Variants in PLEKHG4B observed in about 807,000 individuals in gnomAD.
PLEKHG4B encodes the protein pleckstrin homology and RhoGEF domain containing G4B.
A neutral mutation model predicts 121.3 loss-of-function variants in PLEKHG4B; 111 were observed. That is an observed-to-expected ratio of 0.92 (90% confidence interval 0.78 to 1.07). The LOEUF (loss-of-function observed/expected upper bound fraction) is 1.07. Ranked by LOEUF, PLEKHG4B falls within the 50% of genes least tolerant of loss-of-function variation. The pLI is 0.00. For missense variants in PLEKHG4B, 1,831 were observed against 1,757.8 expected (o/e 1.04, Z -0.74); for synonymous variants, 738 against 725.0 (o/e 1.02, Z -0.29).
chr5:128,094 A>G (rs1316903406), intron 2 of PLEKHG4B, among the ~76,000 whole-genome samples: 1 of 152,194 alleles, frequency 6.6e-6, no homozygotes, highest in Non-Finnish European at 1.5e-5. Flanking sequence ...TAGGGACAAT[A>G]GATGACAAAT....
intron 13 of PLEKHG4B, among the ~76,000 whole-genome samples, chr5:164,225 C>T (rs943035181): frequency 2.0e-5 from 3 of 152,206 alleles, no homozygotes; most frequent in Non-Finnish European, 4.4e-5. Flanking sequence ...TTCCACAGAC[C>T]GCAGGGGTTG....
At chr5:106,367 A>G (rs964112645) in intron 1 of PLEKHG4B, among the ~76,000 whole-genome samples, 56 of 152,322 alleles carry the variant, frequency 3.7e-4, no homozygotes, top group African/African-American at 1.3e-3. Context: ...TTTGTTTTGC[A>G]GAAGAAGGTT....
intron 2 of PLEKHG4B, among the ~76,000 whole-genome samples, chr5:130,205 T>G (rs1734738612): frequency 6.6e-6 from 1 of 152,118 alleles, no homozygotes; most frequent in South Asian, 2.1e-4. Context: ...TTCAAAAACA[T>G]CAGCAGAAAA....
At chr5:98,954 A>C (rs1379375573) in intron 1 of PLEKHG4B, among the ~76,000 whole-genome samples, 1 of 129,412 alleles carries the variant, frequency 7.7e-6, no homozygotes, top group Non-Finnish European at 1.6e-5. Context: ...CAGGAGTTTG[A>C]GACCAGCCTG....
intron 6 of PLEKHG4B, among the ~76,000 whole-genome samples, chr5:145,409 C>T (rs756896306): frequency 2.0e-5 from 3 of 152,232 alleles, no homozygotes; most frequent in Non-Finnish European, 2.9e-5. Flanking sequence ...CAGCCCCAGA[C>T]AGGGTCAATG....
chr5:160,413 G>A (rs575949937), intron 11 of PLEKHG4B, among the ~76,000 whole-genome samples: 38 of 152,356 alleles, frequency 2.5e-4, no homozygotes, highest in African/African-American at 8.2e-4. Context: ...CGCATAAGCC[G>A]TGGCACTCCA....
rs116833977 is a variant in PLEKHG4B, at chr5:176,467, G to A, written c.4402+2369G>A. On this transcript the variant is annotated intron_variant, in intron 18 of 19. Coordinates refer to ENST00000637938, the MANE Select transcript of PLEKHG4B (RefSeq NM_052909.5). ...TCAAGCGCAAAGCATGAGAATGGCC[G>A]CCCCAGAATGCAGCCTCCAAAGGGA... Among the ~76,000 whole-genome samples, 1,142 of 152,320 alleles carry A rather than the reference G, an allele frequency of 7.5e-3. 14 individuals are homozygous for A. Among genetic ancestry groups the A allele is most frequent in the African/African-American group, 0.026 (1,096 of 41,562 alleles).
Position 187,584 on chromosome 5 carries a change from C to T in PLEKHG4B, c.*5261C>T, listed in dbSNP as rs1345783382. ...CTCAGGCCTCAGGCTGGTTTTCTGA[C>T]AGGCAAAATGCTCCTTACATAAGGA... On this transcript the variant is annotated 3_prime_UTR_variant, in exon 20 of 20. Coordinates refer to ENST00000637938, the MANE Select transcript of PLEKHG4B (RefSeq NM_052909.5). The T allele has an allele frequency of 6.6e-6, 1 of 152,278 alleles. No homozygotes were observed. Among genetic ancestry groups the T allele is most frequent in the East Asian group, 1.9e-4 (1 of 5,196 alleles). 9.4% of individuals were successfully genotyped at this position (152,278 alleles called of 1,614,324 possible).
rs369952440 is a variant in PLEKHG4B at position 149,114 on chromosome 5, G to A, written c.1906-2399G>A. On this transcript the variant is annotated intron_variant, in intron 6 of 19. Transcript: ENST00000637938. ...ATTGTAAGACCTAAAACTATAAAAC[G>A]TTTAGAAGACAACATAGGGCAAAAG... Among the ~76,000 whole-genome samples, 415 of 152,070 alleles carry A rather than the reference G, an allele frequency of 2.7e-3. 2 individuals are homozygous for A. Among genetic ancestry groups the A allele is most frequent in the African/African-American group, 9.6e-3 (399 of 41,472 alleles).
At chr5:164,496 CT>C (rs1406176991) in intron 13 of PLEKHG4B, among the ~76,000 whole-genome samples, 1 of 113,386 alleles carries the variant, frequency 8.8e-6, no homozygotes, top group African/African-American at 4.7e-5. Flanking sequence ...CACTAATGCT[CT>C]GACAGGGGGC....
At position 140,527 on chromosome 5, in the gene PLEKHG4B, G is replaced by T; in HGVS notation, c.1288G>T (p.Gly430Trp). 6.3e-7 allele frequency: 1 copy of T among 1,599,310 alleles called. No individual in the cohort carries two copies. The highest frequency in any genetic ancestry group is 8.5e-7 in the Non-Finnish European group (1 of 1,173,502). ...CAGCCGGACAGGTCCAGGAGCTGCA[G>T]GGCGGACTCTTCCCAGGAGATCTCG... ...TPSRTGPGAA[G>W]RTLPRRSRSW... The change falls in exon 3 of 20, where the codon GGG (glycine) becomes TGG (tryptophan). Residue 430 changes from glycine (G) to tryptophan (W), a missense_variant. Physicochemically the swap from Gly to Trp is radical, Grantham distance 184. Coordinates refer to ENST00000637938, the MANE Select transcript of PLEKHG4B (RefSeq NM_052909.5).
intron 18 of PLEKHG4B, 62 bp downstream of exon 18, chr5:174,160 G>T: frequency 8.0e-7 from 1 of 1,255,808 alleles, no homozygotes; most frequent in Non-Finnish European, 1.1e-6. Flanking sequence ...GCAGGGGTCG[G>T]GGCTGGGACT....
chr5:156,702 T>C lies in PLEKHG4B; in HGVS notation c.2349-71T>C. 1 of 1,488,488 alleles carries C rather than the reference T, an allele frequency of 6.7e-7. No homozygotes were observed. Among genetic ancestry groups the C allele is most frequent in the Non-Finnish European group, 9.0e-7 (1 of 1,113,556 alleles). The allele number at this position is 1,488,488 out of a possible 1,614,324, so 92.2% of individuals were successfully genotyped here. ...GAATGGAAAGAGCAGGGTTTTTATATGGGGTTGTCACCAAGAGCAGATTCC... is the reference window on the plus strand; with the variant it reads ...GAATGGAAAGAGCAGGGTTTTTATACGGGGTTGTCACCAAGAGCAGATTCC... On this transcript the variant is annotated intron_variant, in intron 10 of 19. Transcript: ENST00000637938. The surrounding 1 kb of genome is among the most constrained non-coding windows in gnomAD (Gnocchi z 4.4).
chr5:173,446 G>A (rs1002638327), intron 17 of PLEKHG4B, among the ~76,000 whole-genome samples: 19 of 152,082 alleles, frequency 1.2e-4, no homozygotes, highest in African/African-American at 3.6e-4. Flanking sequence ...CTTGTGACTC[G>A]GCTGTGCTGA....
At chr5:112,661 G>T (rs1352556370) in intron 1 of PLEKHG4B, among the ~76,000 whole-genome samples, 3 of 152,222 alleles carry the variant, frequency 2.0e-5, no homozygotes, top group Non-Finnish European at 4.4e-5. Flanking sequence ...CTTGAGGAGG[G>T]CACCCTAAGG....
Position 189,768 on chromosome 5 carries a change from C to T in PLEKHG4B, c.*7445C>T, listed in dbSNP as rs1292501428. On this transcript the variant is annotated 3_prime_UTR_variant, in exon 20 of 20. Coordinates refer to ENST00000637938, the MANE Select transcript of PLEKHG4B (RefSeq NM_052909.5). The stretch of plus-strand genomic sequence containing the variant: ...CTTCCTAGCCATGGTCTCCACCCTC[C>T]GAGACCCAGGGGCCCCGCAGTGACA... 2.0e-5 allele frequency: 3 copies of T among 152,082 alleles called. No individual in the cohort carries two copies. Among genetic ancestry groups the T allele is most frequent in the Non-Finnish European group, 4.4e-5 (3 of 67,984 alleles). 9.4% of individuals were successfully genotyped at this position (152,082 alleles called of 1,614,324 possible).
intron 6 of PLEKHG4B, among the ~76,000 whole-genome samples, chr5:147,309 C>T (rs1353985805): frequency 6.6e-6 from 1 of 152,216 alleles, no homozygotes; most frequent in African/African-American, 2.4e-5. Context: ...TTCTCAAGGC[C>T]TCCAAGAAAG....
intron 1 of PLEKHG4B, among the ~76,000 whole-genome samples, chr5:103,440 C>T (rs1733881711): frequency 6.6e-6 from 1 of 152,102 alleles, no homozygotes; most frequent in Non-Finnish European, 1.5e-5. Flanking sequence ...GAGAATGCAC[C>T]GCACGCAGCG....
chr5:188,814 G>C lies in PLEKHG4B; in HGVS notation c.*6491G>C, dbSNP rs1268834795. ...TCCCGAGCTTTGGAACCAGAGGCAG[G>C]CTCAGCGATGCTCTCCATCCGGCCT... is the stretch of plus-strand genomic sequence containing the variant. On this transcript the variant is annotated 3_prime_UTR_variant, in exon 20 of 20. Transcript: ENST00000637938. The C allele has an allele frequency of 6.6e-6, 1 of 152,286 alleles. No individual in the cohort carries two copies. The highest frequency in any genetic ancestry group is 1.5e-5 in the Non-Finnish European group (1 of 68,090). 9.4% of individuals were successfully genotyped at this position (152,286 alleles called of 1,614,324 possible).
Sources: gnomAD v4.1 joint callset for allele counts (sites outside exome capture counted in the v4.1 genomes callset) on GRCh38, gnomAD v4.1.1 for gene constraint, Gnocchi (gnomAD v3.1) non-coding constraint, MANE v1.5 for transcripts, NCBI Gene and HGNC (gene_info 2026-07-23, HGNC 2026-07-21) for gene names.